Variants in CALN1 observed in about 807,000 individuals in gnomAD.
CALN1 encodes calneuron 1, also known as calcium-binding protein 8.
Under a neutral mutation model 30.6 loss-of-function variants are expected in CALN1, and 17 were observed. That is an observed-to-expected ratio of 0.56 (90% CI 0.38 to 0.83). The LOEUF (loss-of-function observed/expected upper bound fraction) is 0.83, where lower values mean the gene tolerates loss of function less well. Ranked by LOEUF, CALN1 falls within the 40% of genes least tolerant of loss-of-function variation. CALN1 has a pLI of 0.00. For synonymous variants in CALN1, 156 were observed against 131.4 expected (o/e 1.19, Z -1.28); for missense variants, 291 against 354.9 (o/e 0.82, Z 1.45).
chr7:72,436,892 G>A (rs1018638712), intron 1 of CALN1, among the ~76,000 whole-genome samples: 6 of 152,060 alleles, frequency 3.9e-5, no homozygotes, highest in African/African-American at 9.7e-5. Context: ...GCAACACAGC[G>A]AGGGCTCGTC....
chr7:72,304,074 C>CAA (rs1799482360), intron 2 of CALN1, among the ~76,000 whole-genome samples: 1 of 152,130 alleles, frequency 6.6e-6, no homozygotes, highest in African/African-American at 2.4e-5. Context: ...AGACAAGCTG[C>CAA]AAAAAAGAAG....
At chr7:72,028,880 ACTTGGTAGGCTGAG>A (rs537287219) in intron 4 of CALN1, among the ~76,000 whole-genome samples, 2 of 152,172 alleles carry the variant, frequency 1.3e-5, no homozygotes, top group East Asian at 3.9e-4. Context: ...AATCCCAGCT[ACTTGGTAGGCTGAG>A]GCAGGAGAAT....
chr7:72,304,641 G>T (rs1032681103), intron 2 of CALN1, among the ~76,000 whole-genome samples: 1 of 151,946 alleles, frequency 6.6e-6, no homozygotes, highest in Non-Finnish European at 1.5e-5. Flanking sequence ...CTTATATTTT[G>T]TTTTTTTATT....
chr7:72,330,233 C>T (rs7799416), intron 2 of CALN1, among the ~76,000 whole-genome samples: 56,985 of 151,806 alleles, frequency 0.38, 11,558 homozygotes, highest in Admixed American at 0.45. Flanking sequence ...GTGGAGGGTG[C>T]AGGGAGTTGA....
chr7:71,889,483 CTTTTATAA>C (rs1466085103), intron 5 of CALN1, among the ~76,000 whole-genome samples: 1 of 152,124 alleles, frequency 6.6e-6, no homozygotes, highest in African/African-American at 2.4e-5. Flanking sequence ...CACTGGGGCT[CTTTTATAA>C]AAACACCAGT....
chr7:72,034,792 T>C (rs1421785848), intron 4 of CALN1, among the ~76,000 whole-genome samples: 2 of 83,660 alleles, frequency 2.4e-5, no homozygotes, highest in Non-Finnish European at 4.1e-5. Context: ...TGAGACTCTG[T>C]CTCAAAAAAA....
chr7:72,183,008 G>A (rs1336327142), intron 3 of CALN1, among the ~76,000 whole-genome samples: 1 of 152,112 alleles, frequency 6.6e-6, no homozygotes, highest in African/African-American at 2.4e-5. Context: ...CAGTTGTCAA[G>A]CAAAAGTAAT....
At chr7:72,419,571 A>G (rs189437241) in intron 1 of CALN1, among the ~76,000 whole-genome samples, 23 of 152,274 alleles carry the variant, frequency 1.5e-4, no homozygotes, top group Admixed American at 5.2e-4. Context: ...TCATCCTGAT[A>G]TAGAATGGCT....
At chr7:71,919,022 G>A (rs1158512040) in intron 5 of CALN1, among the ~76,000 whole-genome samples, 3 of 152,074 alleles carry the variant, frequency 2.0e-5, no homozygotes, top group Non-Finnish European at 4.4e-5. Flanking sequence ...CCCTTATACT[G>A]CTCCATAATG....
intron 5 of CALN1, among the ~76,000 whole-genome samples, chr7:71,910,674 G>C (rs972676744): frequency 8.5e-5 from 13 of 152,084 alleles, no homozygotes; most frequent in African/African-American, 2.9e-4. Flanking sequence ...GAAAAAAAGG[G>C]CTTACTCATT....
At chr7:72,314,360 CATAT>C (rs1394470064) in intron 2 of CALN1, among the ~76,000 whole-genome samples, 10 of 4,634 alleles carry the variant, frequency 2.2e-3, no homozygotes, top group South Asian at 0.033. Flanking sequence ...CATATATATA[CATAT>C]ACATATATAC....
intron 6 of CALN1, among the ~76,000 whole-genome samples, chr7:71,806,405 C>G (rs1285315862): frequency 1.3e-5 from 2 of 151,544 alleles, no homozygotes; most frequent in Non-Finnish European, 2.9e-5. Context: ...CTCCTGGGCT[C>G]AAGCAATTCT....
chr7:71,819,232 G>C (rs922162224), intron 5 of CALN1, among the ~76,000 whole-genome samples: 2 of 147,430 alleles, frequency 1.4e-5, no homozygotes, highest in African/African-American at 5.0e-5. Flanking sequence ...TTTTGAGACA[G>C]GGTTTCACTC....
In CALN1 at chr7:71,925,700, C is replaced by A. The variant is rs562509732; in HGVS notation, c.501+97957G>T. ...CTCTGAATGCATCTTCCAATACAGG[C>A]AATACAATAAAGTGTGAGAAGCAAT... On this transcript the variant is annotated intron_variant, in intron 5 of 6. Transcript: ENST00000395275. 2.6e-5 allele frequency among the ~76,000 whole-genome samples: 4 copies of A among 152,120 alleles called. No homozygotes were observed. The South Asian group carries it at 8.3e-4, about 32-fold the overall frequency.
At chr7:72,073,249 AG>A (rs776379389) in intron 4 of CALN1, among the ~76,000 whole-genome samples, 3 of 152,188 alleles carry the variant, frequency 2.0e-5, no homozygotes, top group Non-Finnish European at 4.4e-5. Context: ...ACTGGGGGGA[AG>A]GGAGAATGGG....
At chr7:72,122,208 T>C (rs1366856041) in intron 3 of CALN1, among the ~76,000 whole-genome samples, 3 of 152,210 alleles carry the variant, frequency 2.0e-5, no homozygotes, top group East Asian at 1.9e-4. Flanking sequence ...TACAGTTAAT[T>C]TGTCATTAGA....
intron 5 of CALN1, among the ~76,000 whole-genome samples, chr7:71,982,139 C>G (rs1478978382): frequency 6.6e-6 from 1 of 152,024 alleles, no homozygotes; most frequent in Non-Finnish European, 1.5e-5. Flanking sequence ...GAGGTGAGTA[C>G]CAGATGCCTC....
At chr7:72,215,878 A>G (rs1792767521) in intron 3 of CALN1, among the ~76,000 whole-genome samples, 1 of 152,120 alleles carries the variant, frequency 6.6e-6, no homozygotes, top group African/African-American at 2.4e-5. Flanking sequence ...GGTCCCGGCC[A>G]CTTCTACCCA....
intron 3 of CALN1, among the ~76,000 whole-genome samples, chr7:72,224,488 A>G (rs950698734): frequency 1.3e-5 from 2 of 152,216 alleles, no homozygotes; most frequent in African/African-American, 4.8e-5. Context: ...TGCTGTTTAA[A>G]AAGAGCAGGA....
Sources: gnomAD v4.1 joint callset for allele counts (sites outside exome capture counted in the v4.1 genomes callset) on GRCh38, gnomAD v4.1.1 for gene constraint, MANE v1.5 for transcripts, NCBI Gene and HGNC (gene_info 2026-07-23, HGNC 2026-07-21) for gene names.